Variants in TRMT11 observed in about 807,000 individuals in gnomAD.
TRMT11 encodes tRNA methyltransferase 11, also known as tRNA (guanine(10)-N(2))-methyltransferase TRMT11.
Under a neutral mutation model 62.8 loss-of-function variants are expected in TRMT11, and 53 were observed. The observed-to-expected ratio is 0.84, with a 90% confidence interval of 0.68 to 1.06. TRMT11 has a LOEUF of 1.06. TRMT11 is among the 50% of genes least tolerant of loss of function. The pLI, the probability that TRMT11 is intolerant of heterozygous loss-of-function variation, is 0.00. For missense variants in TRMT11, 556 were observed against 553.4 expected, an observed-to-expected ratio of 1.00 and a Z score of -0.05; for synonymous variants, 188 against 190.3, an observed-to-expected ratio of 0.99 and a Z score of 0.10.
intron 17 of TRMT11, among the ~76,000 whole-genome samples, chr6:126,072,527 C>A (rs1312302175): frequency 2.0e-5 from 3 of 152,104 alleles, no homozygotes; most frequent in African/African-American, 7.2e-5. Flanking sequence ...AAACTTGATA[C>A]CAAGAGCTCG....
chr6:126,167,932 A>C (rs1323471728), intron 21 of TRMT11, among the ~76,000 whole-genome samples: 1 of 152,152 alleles, frequency 6.6e-6, no homozygotes, highest in Non-Finnish European at 1.5e-5. Context: ...TAAACATTTT[A>C]TTCAGAAGCC....
chr6:126,269,014 C>T, the TRMT11 span, among the ~76,000 whole-genome samples: 1 of 151,840 alleles, frequency 6.6e-6, no homozygotes, highest in Admixed American at 6.6e-5. Context: ...GTAATCCCAG[C>T]ACTTTGGGAG....
At chr6:126,258,414 G>T in the TRMT11 span, 1 of 331,650 alleles carries the variant, frequency 3.0e-6, no homozygotes, top group African/African-American at 2.2e-5. Context: ...GCTCCTGGTG[G>T]CTGGCCCGGG....
Position 125,998,249 on chromosome 6 carries a change from A to T in TRMT11, c.321A>T (p.Thr107=), listed in dbSNP as rs770586979. ...TTCCATTTCTACATTCGGACTCTAC[A>T]TATAAAATAAAGATTCACACTTTTA... is the stretch of plus-strand genomic sequence containing the variant. ...KMVPFLHSDS[T]YKIKIHTFNK... Residue 107 remains threonine, a synonymous_variant, in exon 5 of 13, where the codon ACA becomes ACT. Transcript: ENST00000334379. The T allele has an allele frequency of 6.2e-7, 1 of 1,600,944 alleles. No homozygotes were observed. The highest frequency in any genetic ancestry group is 8.6e-7 in the Non-Finnish European group (1 of 1,168,758).
chr6:126,203,832 T>G (rs1402602479), downstream of TRMT11, among the ~76,000 whole-genome samples: 1 of 152,148 alleles, frequency 6.6e-6, no homozygotes, highest in Non-Finnish European at 1.5e-5. Flanking sequence ...GTGTATAGAA[T>G]GATTCATTAA....
chr6:126,151,801 C>CT (rs1778044192), intron 21 of TRMT11, among the ~76,000 whole-genome samples: 3 of 77,230 alleles, frequency 3.9e-5, no homozygotes, highest in Middle Eastern at 9.6e-3. Flanking sequence ...TCCTTCCTCT[C>CT]TGTCTTTTCT....
At chr6:126,179,005 G>A (rs1778425458) in intron 1 of TRMT11, among the ~76,000 whole-genome samples, 1 of 151,836 alleles carries the variant, frequency 6.6e-6, no homozygotes, top group African/African-American at 2.4e-5. Flanking sequence ...TCTGAAATTG[G>A]GAAGTGATTG....
chr6:126,122,880 C>T (rs1460259688), intron 21 of TRMT11, among the ~76,000 whole-genome samples: 1 of 152,124 alleles, frequency 6.6e-6, no homozygotes, highest in Admixed American at 6.5e-5. Context: ...CCCTGGTTCT[C>T]ACATTGAGCT....
chr6:126,116,898 CTAT>C (rs1343988174), intron 21 of TRMT11, among the ~76,000 whole-genome samples: 1 of 152,052 alleles, frequency 6.6e-6, no homozygotes, highest in African/African-American at 2.4e-5. Flanking sequence ...TGACACTTTC[CTAT>C]TATTAGCTCT....
At chr6:126,197,764 T>C (rs749149661) in intron 1 of TRMT11, among the ~76,000 whole-genome samples, 37 of 152,148 alleles carry the variant, frequency 2.4e-4, no homozygotes, top group Non-Finnish European at 4.0e-4. Context: ...TTTTCTTATT[T>C]TGGCTTTGTT....
chr6:126,255,257 A>G, the TRMT11 span, among the ~76,000 whole-genome samples: 1 of 152,336 alleles, frequency 6.6e-6, no homozygotes, highest in African/African-American at 2.4e-5. Context: ...GAGAATCGCT[A>G]TAGCTAGAAT....
chr6:126,225,792 C>T, the TRMT11 span, among the ~76,000 whole-genome samples: 1 of 146,782 alleles, frequency 6.8e-6, no homozygotes, highest in African/African-American at 2.6e-5. Flanking sequence ...CTGGTTGAAG[C>T]GATTTTCCCA....
At chr6:125,997,117 G>A (rs1470600097) in intron 3 of TRMT11, among the ~76,000 whole-genome samples, 1 of 152,140 alleles carries the variant, frequency 6.6e-6, no homozygotes, top group Non-Finnish European at 1.5e-5. Context: ...ATTAACAGTT[G>A]TATAATATAA....
chr6:126,150,440 A>G (rs935498204), intron 21 of TRMT11, among the ~76,000 whole-genome samples: 6 of 152,336 alleles, frequency 3.9e-5, no homozygotes, highest in Middle Eastern at 6.8e-3. Flanking sequence ...TTTCATCTTT[A>G]GGTGTTTGTA....
At position 126,111,831 on chromosome 6, in the gene TRMT11, T is replaced by TTGCCTTCTCTGTAAG. The variant is rs370878503; in HGVS notation, c.*1438-1033_*1438-1019dup. Among the ~76,000 whole-genome samples the TTGCCTTCTCTGTAAG allele has an allele frequency of 5.1e-3, 770 of 152,220 alleles. 5 individuals are homozygous for TTGCCTTCTCTGTAAG. The highest frequency in any genetic ancestry group is 0.017 in the African/African-American group (718 of 41,548). On this transcript the variant is annotated intron_variant and NMD_transcript_variant, in intron 17 of 22. Coordinates refer to the TRMT11 transcript ENST00000648977. The stretch of plus-strand genomic sequence containing the variant: ...ACTTCCCACTTACATGAAATCTTCT[T>TTGCCTTCTCTGTAAG]TGCCTTCTCTGTAAGTAACTTCTCT...
At chr6:126,266,225 T>G in the TRMT11 span, among the ~76,000 whole-genome samples, 1 of 152,334 alleles carries the variant, frequency 6.6e-6, no homozygotes, top group East Asian at 1.9e-4. Flanking sequence ...CTTGAACATG[T>G]GACTTTCCTT....
intron 21 of TRMT11, among the ~76,000 whole-genome samples, chr6:126,165,265 G>A (rs1402738550): frequency 7.0e-6 from 1 of 143,208 alleles, no homozygotes; most frequent in East Asian, 2.0e-4. Flanking sequence ...GTGATAGAGT[G>A]AGACCGTGCC....
At chr6:126,036,854 T>C (rs1461460963) in intron 12 of TRMT11, among the ~76,000 whole-genome samples, 2 of 152,088 alleles carry the variant, frequency 1.3e-5, no homozygotes, top group Non-Finnish European at 2.9e-5. Context: ...GTTGCCGTTA[T>C]CCTGGCACAG....
the TRMT11 span, among the ~76,000 whole-genome samples, chr6:126,252,359 G>GAA: frequency 6.6e-6 from 1 of 152,174 alleles, no homozygotes; most frequent in Non-Finnish European, 1.5e-5. Context: ...CCAGTATGGT[G>GAA]GCCTCAGGGT....
Sources: gnomAD v4.1 joint callset for allele counts (sites outside exome capture counted in the v4.1 genomes callset) on GRCh38, gnomAD v4.1.1 for gene constraint, MANE v1.5 for transcripts, NCBI Gene and HGNC (gene_info 2026-07-23, HGNC 2026-07-21) for gene names.